DNAH6: variants seen among roughly 807,000 people sequenced by gnomAD.
DNAH6 encodes the protein dynein axonemal heavy chain 6, also known as axonemal beta dynein heavy chain 6.
In DNAH6, 340 loss-of-function variants were observed where a neutral mutation model predicts 491.4. The ratio of observed to expected loss-of-function variants is 0.69; its 90% confidence interval spans 0.63 to 0.76. DNAH6 has a LOEUF of 0.76. Among genes scored for constraint, DNAH6 ranks in the 30% least tolerant of loss-of-function variants. The pLI is 0.00. For synonymous variants in DNAH6, 1,603 were observed against 1,686.1 expected (o/e 0.95, Z 1.21); for missense variants, 4,443 against 4,972.2 (o/e 0.89, Z 3.20).
rs1388486072 is a variant in DNAH6, at chr2:84,670,385, G to A, written c.6364G>A (p.Val2122Ile). 3 of 1,545,176 alleles carry A rather than the reference G, an allele frequency of 1.9e-6. No homozygotes were observed. The African/African-American group carries it at 4.1e-5, about 21-fold the overall frequency. The stretch of plus-strand genomic sequence containing the variant: ...TCAAGAATCAGCTGGCTATGTCCCT[G>A]TTTATCTAAATTTTTCTGCTCAAAC... ...KIQESAGYVP[V>I]YLNFSAQTSS... Residue 2122 changes from valine (V) to isoleucine (I), a missense_variant, in exon 39 of 77, where the codon GTT becomes ATT. Coordinates refer to ENST00000389394, the MANE Select transcript of DNAH6 (RefSeq NM_001370.2).
At chr2:84,568,501 G>C (rs924290024) in intron 11 of DNAH6, among the ~76,000 whole-genome samples, 1 of 152,124 alleles carries the variant, frequency 6.6e-6, no homozygotes, top group African/African-American at 2.4e-5. Context: ...CTTATAAGTA[G>C]AAGCTGAACA....
chr2:84,795,265 T>G (rs1678231552), intron 68 of DNAH6, among the ~76,000 whole-genome samples: 1 of 151,896 alleles, frequency 6.6e-6, no homozygotes. Context: ...CATGTATCCA[T>G]ATGTAACTAA....
chr2:84,495,032 A>G, the DNAH6 span, among the ~76,000 whole-genome samples: 1 of 152,284 alleles, frequency 6.6e-6, no homozygotes, highest in Non-Finnish European at 1.5e-5. Flanking sequence ...GGGGTAGGGG[A>G]CACTTTAGAA....
intron 63 of DNAH6, among the ~76,000 whole-genome samples, chr2:84,752,660 G>A (rs1673583290): frequency 6.6e-6 from 1 of 151,698 alleles, no homozygotes; most frequent in African/African-American, 2.4e-5. Flanking sequence ...CTACAGATTT[G>A]CCTATTCTGT....
intron 54 of DNAH6, among the ~76,000 whole-genome samples, chr2:84,709,039 A>G (rs2104864340): frequency 6.6e-6 from 1 of 152,360 alleles, no homozygotes; most frequent in South Asian, 2.1e-4. Flanking sequence ...CCCAACAGGG[A>G]AAATACAAAC....
rs554475483 is a variant in DNAH6, at chr2:84,768,508, A to G, written c.10703+5563A>G. On this transcript the variant is annotated intron_variant, in intron 64 of 76. Transcript: ENST00000389394. ...TTCCTCAAAAAACATAACTTTTAAA[A>G]TTGATAAGCATAAATAGCATTTCTG... 9.9e-5 allele frequency among the ~76,000 whole-genome samples: 15 copies of G among 152,162 alleles called. No individual in the cohort carries two copies. In the East Asian group the frequency reaches 2.9e-3, roughly 29 times the overall value.
intron 66 of DNAH6, 145 bp from the exon 67 acceptor site, chr2:84,785,465 C>T (rs1039957866): frequency 2.4e-5 from 19 of 780,458 alleles, no homozygotes; most frequent in East Asian, 1.2e-4. Flanking sequence ...AAAGCAGGCT[C>T]GAACATGCCA....
chr2:84,557,540 C>G (rs1292203821), intron 10 of DNAH6, among the ~76,000 whole-genome samples, 195 bp from the exon 11 acceptor site: 2 of 150,196 alleles, frequency 1.3e-5, no homozygotes, highest in Non-Finnish European at 3.0e-5. Context: ...GTCCCAGCTA[C>G]TCGGGAGGCT....
intron 60 of DNAH6, among the ~76,000 whole-genome samples, chr2:84,723,183 G>A (rs933755709): frequency 1.3e-5 from 2 of 152,202 alleles, no homozygotes; most frequent in Non-Finnish European, 2.9e-5. Context: ...AGCCAAGATC[G>A]TGCCACTGCA....
intron 72 of DNAH6, among the ~76,000 whole-genome samples, chr2:84,811,297 A>C (rs1679944015): frequency 6.6e-6 from 1 of 152,190 alleles, no homozygotes; most frequent in Non-Finnish European, 1.5e-5. Context: ...TTTTGCCTCT[A>C]ACGTCTTCCT....
chr2:84,623,622 TAAA>T (rs1187091778), intron 26 of DNAH6, among the ~76,000 whole-genome samples: 1 of 152,094 alleles, frequency 6.6e-6, no homozygotes, highest in South Asian at 2.1e-4. Context: ...AATGACTCCC[TAAA>T]AAAAGTTCCT....
At chr2:84,777,845 A>G (rs1490885983) in intron 64 of DNAH6, 4 of 1,233,002 alleles carry the variant, frequency 3.2e-6, no homozygotes, top group Non-Finnish European at 4.8e-6. Flanking sequence ...ATTTGAAACA[A>G]TAAGCAAATT....
chr2:84,767,054 A>C (rs1675141803), intron 64 of DNAH6, among the ~76,000 whole-genome samples: 1 of 152,214 alleles, frequency 6.6e-6, no homozygotes, highest in Non-Finnish European at 1.5e-5. Context: ...AATGTATACA[A>C]GAGAACCCCG....
Position 84,819,239 on chromosome 2 carries a change from C to T in DNAH6, c.12374-66C>T, listed in dbSNP as rs947287050. 3 of 1,177,898 alleles carry T rather than the reference C, an allele frequency of 2.5e-6. No homozygotes were observed. In the African/African-American group the frequency reaches 4.7e-5, roughly 18 times the overall value. 73.0% of individuals were successfully genotyped at this position (1,177,898 alleles called of 1,614,324 possible). On this transcript the variant is annotated intron_variant, in intron 76 of 76. Transcript: ENST00000389394. ...CCCAGATGTCTTGACTCTTTGTAGC[C>T]TCTCTCTTTGTATGAGGAAGTTATT...
At chr2:84,693,914 A>T (rs146481064) in intron 45 of DNAH6, among the ~76,000 whole-genome samples, 1 of 152,204 alleles carries the variant, frequency 6.6e-6, no homozygotes, top group Non-Finnish European at 1.5e-5. Context: ...ACCTGGGCTT[A>T]GCAATTGACA....
the DNAH6 span, among the ~76,000 whole-genome samples, chr2:84,503,131 T>TTG: frequency 0.013 from 1,935 of 151,570 alleles, 20 homozygotes; most frequent in Non-Finnish European, 0.021. Context: ...TTACTTAGTT[T>TTG]TGTGTGTGTG....
chr2:84,572,141 T>C (rs1167401681), intron 11 of DNAH6, among the ~76,000 whole-genome samples: 1 of 152,168 alleles, frequency 6.6e-6, no homozygotes, highest in East Asian at 1.9e-4. Flanking sequence ...TGTAAGAAAA[T>C]GTCCTTGTGT....
At chr2:84,707,111 C>T in intron 53 of DNAH6, 92 bp downstream of exon 53, 4 of 1,356,380 alleles carry the variant, frequency 2.9e-6, no homozygotes, top group Non-Finnish European at 2.9e-6. Context: ...AGCTTTTATC[C>T]AATGTGTAGA....
intron 16 of DNAH6, among the ~76,000 whole-genome samples, 190 bp downstream of exon 16, chr2:84,589,144 C>G (rs1404904299): frequency 6.6e-6 from 1 of 152,170 alleles, no homozygotes; most frequent in Non-Finnish European, 1.5e-5. Flanking sequence ...AAGACTAACA[C>G]ACATGAGATA....
Sources: gnomAD v4.1 joint callset for allele counts (sites outside exome capture counted in the v4.1 genomes callset) on GRCh38, gnomAD v4.1.1 for gene constraint, MANE v1.5 for transcripts, NCBI Gene and HGNC (gene_info 2026-07-23, HGNC 2026-07-21) for gene names.